Variants in CNTNAP2 observed in about 807,000 individuals in gnomAD.
CNTNAP2 encodes contactin-associated protein-like 2.
A neutral mutation model predicts 155.2 loss-of-function variants in CNTNAP2; 98 were observed. The observed-to-expected ratio is 0.63, with a 90% CI of 0.54 to 0.75. The LOEUF (loss-of-function observed/expected upper bound fraction) is 0.75, where lower values mean the gene tolerates loss of function less well. CNTNAP2 is among the 30% of genes least tolerant of loss of function. The probability of loss-of-function intolerance (pLI) is 0.00; values close to 1 mark genes in which losing one functional copy is unlikely to be tolerated. For synonymous variants in CNTNAP2, 651 were observed against 631.2 expected, an observed-to-expected ratio of 1.03 and a Z score of -0.47; for missense variants, 1,727 against 1,688.1, an observed-to-expected ratio of 1.02 and a Z score of -0.40.
intron 3 of CNTNAP2, among the ~76,000 whole-genome samples, chr7:146,908,076 G>A (rs1796180337): frequency 6.6e-6 from 1 of 151,960 alleles, no homozygotes; most frequent in Non-Finnish European, 1.5e-5. Flanking sequence ...AATGGTAAAG[G>A]GATTAATTCA....
chr7:146,961,773 G>T (rs151156412), intron 3 of CNTNAP2, among the ~76,000 whole-genome samples: 1 of 152,124 alleles, frequency 6.6e-6, no homozygotes, highest in East Asian at 1.9e-4. Flanking sequence ...CAGTCTTGAG[G>T]TGCTCATGAG....
chr7:146,515,514 T>C (rs1455749884), intron 1 of CNTNAP2, among the ~76,000 whole-genome samples: 1 of 152,096 alleles, frequency 6.6e-6, no homozygotes, highest in Non-Finnish European at 1.5e-5. Context: ...AAACAGTTGT[T>C]TCAGTTTTAA....
Position 147,886,475 on chromosome 7 carries a change from C to CAAAAAAAA in CNTNAP2, c.2099-17069_2099-17062dup, listed in dbSNP as rs532837902. Among the ~76,000 whole-genome samples, 16 of 39,734 alleles carry CAAAAAAAA rather than the reference C, an allele frequency of 4.0e-4. No individual in the cohort carries two copies. In the East Asian group the frequency reaches 4.2e-3, roughly 10 times the overall value. The allele number at this position is 39,734 out of a possible 152,430, so 26.1% of individuals were successfully genotyped here. A position where few individuals can be genotyped will look rare whatever the true frequency, so the allele number is the denominator to read the frequency against. On this transcript the variant is annotated intron_variant, in intron 13 of 23. Transcript: ENST00000361727. ...GGGCAACAAGAGGGAAACTCCATCT[C>CAAAAAAAA]AAAAAAAAAAAAAAAAAAAAAAAAA...
intron 8 of CNTNAP2, among the ~76,000 whole-genome samples, chr7:147,183,632 G>C (rs1361838891): frequency 6.6e-6 from 1 of 152,140 alleles, no homozygotes; most frequent in Non-Finnish European, 1.5e-5. Context: ...TAGTGTGAAA[G>C]CACTAATCCC....
At chr7:147,296,337 A>C (rs1043751049) in intron 8 of CNTNAP2, among the ~76,000 whole-genome samples, 3 of 152,236 alleles carry the variant, frequency 2.0e-5, no homozygotes, top group African/African-American at 7.2e-5. Flanking sequence ...TAGGGTCTTC[A>C]GTGCATCAAT....
chr7:148,390,737 A>G (rs1412136489), intron 22 of CNTNAP2, among the ~76,000 whole-genome samples: 2 of 152,236 alleles, frequency 1.3e-5, no homozygotes, highest in African/African-American at 4.8e-5. Context: ...GTTCTAAGGT[A>G]TGCTGGCTTT....
chr7:146,272,294 A>G (rs1185224299), intron 1 of CNTNAP2, among the ~76,000 whole-genome samples: 4 of 152,184 alleles, frequency 2.6e-5, no homozygotes, highest in Non-Finnish European at 5.9e-5. Context: ...GAACAGGAGC[A>G]TGGAGGTAAT....
At chr7:146,291,863 AG>A (rs1281610380) in intron 1 of CNTNAP2, among the ~76,000 whole-genome samples, 2 of 152,206 alleles carry the variant, frequency 1.3e-5, no homozygotes, top group Non-Finnish European at 2.9e-5. Context: ...AAACAATAAC[AG>A]CAAAGATAGA....
At chr7:147,954,800 CTAGT>C (rs1436033371) in intron 14 of CNTNAP2, among the ~76,000 whole-genome samples, 1 of 152,154 alleles carries the variant, frequency 6.6e-6, no homozygotes, top group African/African-American at 2.4e-5. Flanking sequence ...TATCGAGAGT[CTAGT>C]TAGAGTGAGT....
chr7:148,169,583 G>C (rs1805736065), intron 17 of CNTNAP2, among the ~76,000 whole-genome samples: 1 of 152,198 alleles, frequency 6.6e-6, no homozygotes, highest in African/African-American at 2.4e-5. Context: ...TGGTGCAAGA[G>C]CGAAATAAGT....
chr7:147,859,350 C>A (rs1025406200), intron 13 of CNTNAP2, among the ~76,000 whole-genome samples: 1 of 150,136 alleles, frequency 6.7e-6, no homozygotes, highest in Non-Finnish European at 1.5e-5. Flanking sequence ...AAAGCCATGC[C>A]GTGCTACAAA....
intron 1 of CNTNAP2, among the ~76,000 whole-genome samples, chr7:146,386,262 T>A (rs1795460560): frequency 6.6e-6 from 1 of 152,176 alleles, no homozygotes; most frequent in Non-Finnish European, 1.5e-5. Flanking sequence ...CATTATAGAA[T>A]ATATCAAAAG....
At chr7:146,511,051 C>T (rs2129135277) in intron 1 of CNTNAP2, among the ~76,000 whole-genome samples, 1 of 152,216 alleles carries the variant, frequency 6.6e-6, no homozygotes, top group Non-Finnish European at 1.5e-5. Context: ...TGCCCATCAC[C>T]ATGCCCAGCT....
chr7:146,719,269 G>A (rs1234274718), intron 1 of CNTNAP2, among the ~76,000 whole-genome samples: 1 of 152,126 alleles, frequency 6.6e-6, no homozygotes, highest in Admixed American at 6.6e-5. Context: ...AAGAAATGCA[G>A]TGCCACCAAA....
chr7:147,883,921 G>A (rs973086159), intron 13 of CNTNAP2, among the ~76,000 whole-genome samples: 10 of 151,918 alleles, frequency 6.6e-5, no homozygotes, highest in Non-Finnish European at 1.3e-4. Flanking sequence ...TAGTGGGAGG[G>A]GACAAAATAA....
chr7:146,813,629 CT>C (rs1803110104), intron 2 of CNTNAP2, among the ~76,000 whole-genome samples: 1 of 152,134 alleles, frequency 6.6e-6, no homozygotes, highest in East Asian at 1.9e-4. Flanking sequence ...TAGACTTGGA[CT>C]TTTGGGTTAA....
chr7:147,236,122 T>C (rs1803798405), intron 8 of CNTNAP2, among the ~76,000 whole-genome samples: 1 of 152,216 alleles, frequency 6.6e-6, no homozygotes, highest in South Asian at 2.1e-4. Context: ...CATCTCTCCA[T>C]GTCTGGATAC....
chr7:148,303,896 G>T (rs140434485), intron 21 of CNTNAP2, among the ~76,000 whole-genome samples: 2 of 152,342 alleles, frequency 1.3e-5, no homozygotes, highest in African/African-American at 4.8e-5. Context: ...TGGGTGGAAT[G>T]TGAGTCTCCA....
intron 20 of CNTNAP2, among the ~76,000 whole-genome samples, chr7:148,253,221 C>T (rs1563012881): frequency 6.6e-6 from 1 of 152,110 alleles, no homozygotes; most frequent in Non-Finnish European, 1.5e-5. Context: ...ATCCTAAGGA[C>T]CAGCATGGCT....
Sources: gnomAD v4.1 joint callset for allele counts (sites outside exome capture counted in the v4.1 genomes callset) on GRCh38, gnomAD v4.1.1 for gene constraint, MANE v1.5 for transcripts, NCBI Gene and HGNC (gene_info 2026-07-23, HGNC 2026-07-21) for gene names.